KCNQ2: variants seen among roughly 807,000 people sequenced by gnomAD.
KCNQ2 encodes the protein potassium voltage-gated channel subfamily KQT member 2.
In KCNQ2, 14 loss-of-function variants were observed where a neutral mutation model predicts 84.8. The ratio of observed to expected loss-of-function variants is 0.17; its 90% CI spans 0.11 to 0.26. KCNQ2 has a LOEUF of 0.26. Among genes scored for constraint, KCNQ2 ranks in the 10% least tolerant of loss-of-function variants. The pLI is 1.00. For missense variants in KCNQ2, 788 were observed against 1,254.0 expected (o/e 0.63, Z 5.61); for synonymous variants, 599 against 554.1 (o/e 1.08, Z -1.14).
intron 4 of KCNQ2, among the ~76,000 whole-genome samples, chr20:63,443,319 C>CCA (rs2081299056): frequency 7.4e-5 from 1 of 13,556 alleles, no homozygotes; most frequent in African/African-American, 2.7e-4. Context: ...ATCATCACCA[C>CCA]CACCACCATC....
chr20:63,406,548 A>G lies in KCNQ2; in HGVS notation c.*96T>C. ...CCCACCCTTCCCGCCACACTCAGTT[A>G]CTGTAAGAAAAGGGCCCCAGAGGGT... is the stretch of plus-strand genomic sequence containing the variant. On this transcript the variant is annotated 3_prime_UTR_variant, in exon 17 of 17. Coordinates refer to ENST00000359125, the MANE Select transcript of KCNQ2 (RefSeq NM_172107.4). 1.5e-6 allele frequency: 2 copies of G among 1,375,048 alleles called. No homozygotes were observed. The highest frequency in any genetic ancestry group is 1.9e-6 in the Non-Finnish European group (2 of 1,039,998). The allele number at this position is 1,375,048 out of a possible 1,614,324, so 85.2% of individuals were successfully genotyped here. A position where few individuals can be genotyped will look rare whatever the true frequency, so the allele number is the denominator to read the frequency against.
intron 12 of KCNQ2, 24 bp downstream of exon 12, chr20:63,419,595 T>G: frequency 1.2e-6 from 2 of 1,602,374 alleles, no homozygotes; most frequent in Non-Finnish European, 8.5e-7. Context: ...CAGCCGTCAG[T>G]CCGTGCGGCG....
chr20:63,406,763 TG>T lies in KCNQ2; in HGVS notation c.2499del (p.Tyr833Ter). ...TCGGTGTCTGACTCTCCCTCCGCAA[TG>T]TAGGGCCTGACTTTGGCACAAGGCG... ...AVAPCAKVRPYIAEGESDTDS... is the reference protein window; with the variant it reads ...AVAPCAKVRPXIAEGESDTDS... On this transcript the variant is annotated frameshift_variant, in exon 17 of 17. Coordinates refer to ENST00000359125, the MANE Select transcript of KCNQ2 (RefSeq NM_172107.4). LOFTEE classifies it high-confidence loss of function. 6.2e-7 allele frequency: 1 copy of T among 1,612,406 alleles called. No individual in the cohort carries two copies. Among genetic ancestry groups the T allele is most frequent in the Non-Finnish European group, 8.5e-7 (1 of 1,179,806 alleles).
rs114944813 is a variant in KCNQ2, at chr20:63,415,796, G to A, written c.1302-670C>T. Among the ~76,000 whole-genome samples the A allele has an allele frequency of 6.6e-3, 1,011 of 152,198 alleles. 8 individuals carry two copies. Among genetic ancestry groups the A allele is most frequent in the African/African-American group, 0.023 (966 of 41,512 alleles). On this transcript the variant is annotated intron_variant, in intron 12 of 16. Transcript: ENST00000359125. Reference sequence around the variant, plus strand: ...TTCCTCGGGCACCTCTGTCTGCCCCGGCCCCGCCCGTGGTTTCCCCTGTGG... The same window carrying A: ...TTCCTCGGGCACCTCTGTCTGCCCCAGCCCCGCCCGTGGTTTCCCCTGTGG...
chr20:63,431,519 C>A (rs984439169), intron 8 of KCNQ2, 150 bp from the exon 9 acceptor site: 21 of 879,620 alleles, frequency 2.4e-5, no homozygotes, highest in Middle Eastern at 4.5e-4. Flanking sequence ...TCTGTCCCTG[C>A]CCTGGGCTGA....
Position 63,413,614 on chromosome 20 carries a change from G to C in KCNQ2, c.1632-33C>G, listed in dbSNP as rs766821846. On this transcript the variant is annotated intron_variant, in intron 14 of 16. Coordinates refer to ENST00000359125, the MANE Select transcript of KCNQ2 (RefSeq NM_172107.4). ...GGGGTGGGTGGGGCTGTGAGCCCTGGGCCAGAGACCCCCGGCCACAGGCAC... is the reference window on the plus strand; with the variant it reads ...GGGGTGGGTGGGGCTGTGAGCCCTGCGCCAGAGACCCCCGGCCACAGGCAC... 1.1e-5 allele frequency: 18 copies of C among 1,608,324 alleles called. No individual in the cohort carries two copies. The South Asian group carries it at 2.0e-4, about 18-fold the overall frequency.
At chr20:63,450,033 G>C (rs1036806036) in intron 1 of KCNQ2, among the ~76,000 whole-genome samples, 4 of 151,382 alleles carry the variant, frequency 2.6e-5, no homozygotes, top group African/African-American at 9.7e-5. Context: ...CCTGGAACCC[G>C]CCCGCCACCA....
In KCNQ2 at chr20:63,419,618, C is replaced by T; in HGVS notation, c.1301+1G>A. The T allele has an allele frequency of 6.2e-7, 1 of 1,609,900 alleles. No homozygotes were observed. The highest frequency in any genetic ancestry group is 1.1e-5 in the South Asian group (1 of 90,018). ...AGTCCGTGCGGCGTGTTCCGCGGTA[C>T]CTAGAGCGTCCGGGGCAGCATCCAC... On this transcript the variant is annotated splice_donor_variant, in intron 12 of 16. Transcript: ENST00000359125. LOFTEE classifies it high-confidence loss of function.
rs892124646 is a variant in KCNQ2, at chr20:63,425,601, T to C, written c.1218-1395A>G. 6.6e-6 allele frequency among the ~76,000 whole-genome samples: 1 copy of C among 152,052 alleles called. No individual in the cohort carries two copies. Among genetic ancestry groups the C allele is most frequent in the Non-Finnish European group, 1.5e-5 (1 of 68,018 alleles). ...CGGGTGTGGTGGCAGGTGCCTGTAA[T>C]CCCAGGTACTCGGGAGGTTGAGGGA... On this transcript the variant is annotated intron_variant, in intron 10 of 16. Transcript: ENST00000359125. The surrounding 1 kb of genome is among the most constrained non-coding windows in gnomAD (Gnocchi z 5.5).
chr20:63,411,016 C>A (rs2080105433), intron 15 of KCNQ2: 1 of 456,260 alleles, frequency 2.2e-6, no homozygotes, highest in African/African-American at 2.0e-5. Flanking sequence ...CACTAAAGAA[C>A]TGGCTTCTGC....
At position 63,433,936 on chromosome 20, in the gene KCNQ2, G is replaced by T. The variant is rs374862993; in HGVS notation, c.1024-33C>A. ...GGGAAAGACAAGGCAGTTGGCGAGG[G>T]GCAGGCGGCGAGGGGCGCGCCCAGG... is the stretch of plus-strand genomic sequence containing the variant. On this transcript the variant is annotated intron_variant, in intron 7 of 16. Coordinates refer to ENST00000359125, the MANE Select transcript of KCNQ2 (RefSeq NM_172107.4). 2.5e-6 allele frequency: 4 copies of T among 1,602,552 alleles called. No individual in the cohort carries two copies. The African/African-American group carries it at 4.0e-5, about 16-fold the overall frequency.
chr20:63,412,164 C>T (rs1263137350), intron 15 of KCNQ2: 2 of 381,378 alleles, frequency 5.2e-6, no homozygotes, highest in Admixed American at 4.5e-5. Context: ...GGGAGGTGCC[C>T]GCAGCAGGAG....
rs781056597 is a variant in KCNQ2, at chr20:63,419,639, T to C, written c.1281A>G (p.Gly427=). The change falls in exon 12 of 17, where the codon GGA becomes GGG. Residue 427 remains glycine (G), a synonymous_variant. Coordinates refer to ENST00000359125, the MANE Select transcript of KCNQ2 (RefSeq NM_172107.4). ...KGSPCRGPLC[G]CCPGRSSQKV... ...GGTACCTAGAGCGTCCGGGGCAGCATCCACACAGGGGCCCTCTGCACGGGC... is the reference window on the plus strand; with the variant it reads ...GGTACCTAGAGCGTCCGGGGCAGCACCCACACAGGGGCCCTCTGCACGGGC... 9.9e-5 allele frequency: 160 copies of C among 1,611,522 alleles called. 1 individual carries two copies. Among genetic ancestry groups the C allele is most frequent in the Admixed American group, 8.4e-5 (5 of 59,846 alleles).
chr20:63,443,326 C>G, intron 4 of KCNQ2, among the ~76,000 whole-genome samples: 1 of 103,640 alleles, frequency 9.6e-6, no homozygotes, highest in Non-Finnish European at 2.2e-5. Flanking sequence ...CCACCACCAC[C>G]ATCACCATCA....
At chr20:63,453,939 G>C (rs1419964842) in intron 1 of KCNQ2, among the ~76,000 whole-genome samples, 1 of 152,106 alleles carries the variant, frequency 6.6e-6, no homozygotes, top group East Asian at 1.9e-4. Flanking sequence ...ATCCAGGAAG[G>C]CAGCTCCTCG....
Position 63,414,211 on chromosome 20 carries a change from G to A in KCNQ2, c.1526-18C>T, listed in dbSNP as rs766387644. On this transcript the variant is annotated intron_variant, in intron 13 of 16. Transcript: ENST00000359125. The surrounding 1 kb of genome is among the most constrained non-coding windows in gnomAD (Gnocchi z 6.6). ...GCTTGCTTCTGGGGGGAAGGAGACA[G>A]GCCGTGAGGGGCCGAGGGGGCCGGG... The A allele has an allele frequency of 6.4e-6, 10 of 1,564,018 alleles. No individual in the cohort carries two copies. The highest frequency in any genetic ancestry group is 4.1e-5 in the African/African-American group (3 of 73,970).
Position 63,408,476 on chromosome 20 carries a change from C to G in KCNQ2, c.1824G>C (p.Pro608=), listed in dbSNP as rs146699929. 1 of 1,607,918 alleles carries G rather than the reference C, an allele frequency of 6.2e-7. No individual in the cohort carries two copies. The highest frequency in any genetic ancestry group is 1.1e-5 in the South Asian group (1 of 90,178). ...AITDKDRTKG[P]AEAELPEDPS... is the part of the protein sequence containing the mutation. ...GGTCCTCGGGCAGCTCCGCCTCGGC[C>G]GGGCCCTTGGTGCGGTCCTTGTCCG... is the stretch of plus-strand genomic sequence containing the variant. The change falls in exon 16 of 17, where the codon CCG becomes CCC. Residue 608 remains proline (P), a synonymous_variant. Transcript: ENST00000359125. The surrounding 1 kb of genome is among the most constrained non-coding windows in gnomAD (Gnocchi z 5.0).
At chr20:63,433,505 CG>C (rs1412036832) in intron 8 of KCNQ2, 5 of 583,550 alleles carry the variant, frequency 8.6e-6, no homozygotes, top group African/African-American at 1.9e-5. Context: ...CAGCCCGGGG[CG>C]GGGGGCATTT....
chr20:63,465,363 C>T (rs993943031), intron 1 of KCNQ2, among the ~76,000 whole-genome samples: 1 of 152,246 alleles, frequency 6.6e-6, no homozygotes, highest in Non-Finnish European at 1.5e-5. Context: ...AGGGGCTTCT[C>T]AGGGCCCACC....
Sources: allele counts gnomAD v4.1 joint callset (sites outside exome capture counted in the v4.1 genomes callset), GRCh38; gene constraint gnomAD v4.1.1; non-coding constraint Gnocchi (gnomAD v3.1); transcripts MANE v1.5; gene names NCBI Gene and HGNC (gene_info 2026-07-23, HGNC 2026-07-21).